Variants in RALGAPA1 observed in about 807,000 individuals in gnomAD.
The protein encoded by RALGAPA1 is Ral GTPase activating protein catalytic subunit alpha 1, also known as ral GTPase-activating protein subunit alpha-1.
A neutral mutation model predicts 269.6 loss-of-function variants in RALGAPA1; 52 were observed. That is an observed-to-expected ratio of 0.19 (90% confidence interval 0.15 to 0.24). The LOEUF (loss-of-function observed/expected upper bound fraction) is 0.24. Ranked by LOEUF, RALGAPA1 falls within the 10% of genes least tolerant of loss-of-function variation. RALGAPA1 has a pLI of 1.00. For synonymous variants in RALGAPA1, 817 were observed against 1,008.3 expected (o/e 0.81, Z 3.60); for missense variants, 1,917 against 3,013.9 (o/e 0.64, Z 8.52).
chr14:35,692,499 T>C (rs1195498627), intron 17 of RALGAPA1, among the ~76,000 whole-genome samples: 5 of 151,572 alleles, frequency 3.3e-5, no homozygotes, highest in African/African-American at 1.2e-4. Context: ...CTATGTTTTT[T>C]TTTTTTCCTA....
intron 37 of RALGAPA1, among the ~76,000 whole-genome samples, chr14:35,585,081 G>A (rs1415822288): frequency 1.3e-5 from 2 of 152,176 alleles, no homozygotes; most frequent in African/African-American, 4.8e-5. Context: ...CAGCGATAAA[G>A]AGAAGCCTCA....
intron 31 of RALGAPA1, among the ~76,000 whole-genome samples, chr14:35,643,091 C>T (rs2062136307): frequency 1.3e-5 from 2 of 151,176 alleles, no homozygotes; most frequent in African/African-American, 2.4e-5. Flanking sequence ...GACAGAAAAC[C>T]AAACACCGCA....
chr14:35,635,465 T>C lies in RALGAPA1; in HGVS notation c.5810A>G (p.Lys1937Arg), dbSNP rs888956652. The change falls in exon 32 of 42, where the codon AAG (lysine) becomes AGG (arginine). Residue 1937 changes from lysine (K) to arginine (R), a missense_variant and splice_region_variant. Physicochemically the swap from Lys to Arg is conservative, Grantham distance 26. Around this residue, in one of 11 missense-constraint regions of RALGAPA1, gnomAD observed 346 missense variants for 566.1 expected, o/e 0.61. Coordinates refer to ENST00000680220, the MANE Select transcript of RALGAPA1 (RefSeq NM_001346249.2). ...TEKSVLNCIY[K>R]VLHGCVYGAQ... Reference sequence around the variant, plus strand: ...AAATAATAAAGCAAGGAAGTTTACCTTATAAATGCAATTGAGAACAGATTT... The same window carrying C: ...AAATAATAAAGCAAGGAAGTTTACCCTATAAATGCAATTGAGAACAGATTT... 33 of 1,589,760 alleles carry C rather than the reference T, an allele frequency of 2.1e-5. No individual in the cohort carries two copies. The highest frequency in any genetic ancestry group is 2.6e-5 in the Non-Finnish European group (30 of 1,171,228).
chr14:35,769,220 CAT>C (rs1282388371), intron 4 of RALGAPA1, among the ~76,000 whole-genome samples: 1 of 150,590 alleles, frequency 6.6e-6, no homozygotes, highest in Non-Finnish European at 1.5e-5. Flanking sequence ...GGAGAGAAGA[CAT>C]AAATTAACAA....
intron 1 of RALGAPA1, among the ~76,000 whole-genome samples, chr14:35,781,262 A>G (rs1468378433): frequency 6.6e-6 from 1 of 152,206 alleles, no homozygotes; most frequent in African/African-American, 2.4e-5. Context: ...CCTATATGAA[A>G]TGAACAAATT....
chr14:35,589,470 T>C (rs1475502094), intron 37 of RALGAPA1, among the ~76,000 whole-genome samples: 1 of 152,198 alleles, frequency 6.6e-6, no homozygotes, highest in Non-Finnish European at 1.5e-5. Context: ...GATTTAGCTA[T>C]TCCACAGTGT....
At chr14:35,745,787 A>AAAG (rs2072026548) in intron 10 of RALGAPA1, among the ~76,000 whole-genome samples, 1 of 149,130 alleles carries the variant, frequency 6.7e-6, no homozygotes, top group African/African-American at 2.5e-5. Context: ...AAAAAAAAAA[A>AAAG]GGCAGAAAAT....
chr14:35,618,616 T>C (rs2060405826), intron 35 of RALGAPA1, among the ~76,000 whole-genome samples: 1 of 152,088 alleles, frequency 6.6e-6, no homozygotes, highest in Non-Finnish European at 1.5e-5. Flanking sequence ...GTCAGTGCAA[T>C]AAGACGTGAT....
intron 3 of RALGAPA1, among the ~76,000 whole-genome samples, chr14:35,771,794 CCAA>C (rs2074649196): frequency 6.6e-6 from 1 of 152,108 alleles, no homozygotes; most frequent in Non-Finnish European, 1.5e-5. Flanking sequence ...CCTCAGTCTC[CCAA>C]CAAGGTGGGA....
At chr14:35,578,796 T>A (rs2057751031) in intron 37 of RALGAPA1, among the ~76,000 whole-genome samples, 2 of 152,216 alleles carry the variant, frequency 1.3e-5, no homozygotes, top group Admixed American at 1.3e-4. Flanking sequence ...TTCTTTTGAT[T>A]TGTGGCTATG....
At chr14:35,645,246 A>AAGG (rs1017154889) in intron 31 of RALGAPA1, among the ~76,000 whole-genome samples, 1 of 151,804 alleles carries the variant, frequency 6.6e-6, no homozygotes, top group African/African-American at 2.4e-5. Context: ...TTACCTCTCA[A>AAGG]AGGCCCCACC....
At chr14:35,582,836 C>A (rs1274041117) in intron 37 of RALGAPA1, among the ~76,000 whole-genome samples, 1 of 152,116 alleles carries the variant, frequency 6.6e-6, no homozygotes, top group Non-Finnish European at 1.5e-5. Context: ...GAAAAATAGC[C>A]AACTCTGGCT....
At chr14:35,672,555 T>C (rs1021697465) in intron 25 of RALGAPA1, among the ~76,000 whole-genome samples, 5 of 152,018 alleles carry the variant, frequency 3.3e-5, no homozygotes, top group Admixed American at 2.0e-4. Flanking sequence ...GTAGGTACAT[T>C]AGAATATTAT....
rs545245466 is a variant in RALGAPA1, at chr14:35,689,906, C to A, written c.2505G>T (p.Glu835Asp). ...TGNEVFGALN[E>D]EQPLPRSSST... is the part of the protein sequence containing the mutation. ...TGCTACTTCGAGGCAATGGCTGCTC[C>A]TCATTCAAAGCACCAAAAACTTCAT... The change falls in exon 18 of 42, where the codon GAG (glutamate) becomes GAT (aspartate). Residue 835 changes from glutamate (E) to aspartate (D), a missense_variant. Glu to Asp is a conservative substitution (Grantham distance 45). Around this residue, in one of 11 missense-constraint regions of RALGAPA1, gnomAD observed 125 missense variants for 155.7 expected, o/e 0.80. Coordinates refer to ENST00000680220, the MANE Select transcript of RALGAPA1 (RefSeq NM_001346249.2). 2 of 1,603,772 alleles carry A rather than the reference C, an allele frequency of 1.2e-6. No individual in the cohort carries two copies. The highest frequency in any genetic ancestry group is 4.5e-5 in the East Asian group (2 of 44,084).
At chr14:35,768,291 A>G (rs2074313099) in intron 4 of RALGAPA1, among the ~76,000 whole-genome samples, 1 of 152,150 alleles carries the variant, frequency 6.6e-6, no homozygotes, top group African/African-American at 2.4e-5. Context: ...ATGTTGCTCA[A>G]GCTGGTCTCA....
intron 35 of RALGAPA1, among the ~76,000 whole-genome samples, chr14:35,618,832 A>G (rs549300709): frequency 9.9e-5 from 15 of 152,282 alleles, no homozygotes; most frequent in African/African-American, 2.6e-4. Context: ...TCAATAAAAC[A>G]ATAAAACACC....
chr14:35,704,675 C>CATCA (rs1379155799), intron 16 of RALGAPA1, among the ~76,000 whole-genome samples: 1 of 152,080 alleles, frequency 6.6e-6, no homozygotes, highest in Non-Finnish European at 1.5e-5. Flanking sequence ...AAGGTCCTTA[C>CATCA]ATCAGTTTAG....
Position 35,784,443 on chromosome 14 carries a change from T to C in RALGAPA1, c.107-8698A>G, listed in dbSNP as rs775604230. Among the ~76,000 whole-genome samples the C allele has an allele frequency of 9.4e-4, 143 of 152,288 alleles. 1 individual carries two copies. The highest frequency in any genetic ancestry group is 2.1e-3 in the South Asian group (10 of 4,822). On this transcript the variant is annotated intron_variant, in intron 1 of 41. Coordinates refer to ENST00000680220, the MANE Select transcript of RALGAPA1 (RefSeq NM_001346249.2). ...AACCACAGAGATGGAAAGTATCTAA[T>C]GGCTGGCAGGGGCAGGAAGTAAGGA...
At chr14:35,783,500 A>C (rs2075593597) in intron 1 of RALGAPA1, among the ~76,000 whole-genome samples, 1 of 152,148 alleles carries the variant, frequency 6.6e-6, no homozygotes, top group Admixed American at 6.5e-5. Context: ...AGAAAACATG[A>C]CCTTGAATCA....
Sources: allele counts gnomAD v4.1 joint callset (sites outside exome capture counted in the v4.1 genomes callset), GRCh38; gene constraint gnomAD v4.1.1; regional missense constraint gnomAD v4.1.1; transcripts MANE v1.5; gene names NCBI Gene and HGNC (gene_info 2026-07-23, HGNC 2026-07-21).